The following EYA1 variants were observed in gnomAD, a reference collection of about 807,000 sequenced individuals.
The protein encoded by EYA1 is EYA transcriptional coactivator and phosphatase 1.
Under a neutral mutation model 82.0 loss-of-function variants are expected in EYA1, and 16 were observed. The ratio of observed to expected loss-of-function variants is 0.20; its 90% confidence interval spans 0.13 to 0.30. The LOEUF (loss-of-function observed/expected upper bound fraction) is 0.30, where lower values mean the gene tolerates loss of function less well. Ranked by LOEUF, EYA1 falls within the 10% of genes least tolerant of loss-of-function variation. The pLI, the probability that EYA1 is intolerant of heterozygous loss-of-function variation, is 1.00. For synonymous variants in EYA1, 261 were observed against 264.4 expected (o/e 0.99, Z 0.12); for missense variants, 633 against 730.7 (o/e 0.87, Z 1.54).
At chr8:71,399,795 C>A (rs931979019) in intron 2 of EYA1, among the ~76,000 whole-genome samples, 1 of 152,120 alleles carries the variant, frequency 6.6e-6, no homozygotes, top group African/African-American at 2.4e-5. Context: ...CAGAAAAAAA[C>A]TACTTTAAAA....
At chr8:71,292,249 G>T (rs1448868013) in intron 9 of EYA1, among the ~76,000 whole-genome samples, 1 of 152,032 alleles carries the variant, frequency 6.6e-6, no homozygotes, top group Non-Finnish European at 1.5e-5. Context: ...GTGGCTAGGG[G>T]ATGATAAAAT....
At chr8:71,413,154 C>A (rs114800165) in intron 2 of EYA1, among the ~76,000 whole-genome samples, 5,330 of 152,222 alleles carry the variant, frequency 0.035, 333 homozygotes, top group African/African-American at 0.12. Flanking sequence ...AGAATAAAAT[C>A]AAAGATGACC....
rs762781196 is a variant in EYA1, at chr8:71,216,846, A to G, written c.1206T>C (p.Tyr402=). Residue 402 remains tyrosine (Y), a synonymous_variant, in exon 14 of 18, where the codon TAT becomes TAC. Transcript: ENST00000340726. Reference sequence around the variant, plus strand: ...CAGGAAAGCCATCTGTTCCAAAGTTATATGTGCTATTTATATGCAAGAAAA... The same window carrying G: ...CAGGAAAGCCATCTGTTCCAAAGTTGTATGTGCTATTTATATGCAAGAAAA... The part of the protein sequence containing the change: ...SDDNGQDLST[Y]NFGTDGFPAA... 4.3e-6 allele frequency: 7 copies of G among 1,614,048 alleles called. No homozygotes were observed. The highest frequency in any genetic ancestry group is 4.0e-5 in the African/African-American group (3 of 74,926).
intron 2 of EYA1, among the ~76,000 whole-genome samples, chr8:71,462,591 G>C (rs563172088): frequency 5.3e-5 from 8 of 152,338 alleles, no homozygotes; most frequent in African/African-American, 1.9e-4. Flanking sequence ...CCCCAGGGTG[G>C]CAGGCTCCGG....
intron 9 of EYA1, among the ~76,000 whole-genome samples, chr8:71,282,094 C>T (rs1296362322): frequency 6.6e-6 from 1 of 152,190 alleles, no homozygotes; most frequent in African/African-American, 2.4e-5. Flanking sequence ...ACTCTCCTTG[C>T]CAGGCTCTCC....
intron 17 of EYA1, among the ~76,000 whole-genome samples, chr8:71,201,478 C>T (rs1199504621): frequency 1.3e-5 from 2 of 152,066 alleles, no homozygotes; most frequent in African/African-American, 2.4e-5. Context: ...CTAAGAGACA[C>T]CAGAAGATTC....
chr8:71,294,680 T>C lies in EYA1; in HGVS notation c.826+4367A>G, dbSNP rs142441799. ...AGTTTGTCCCAATTTGATCTATAAA[T>C]TCAACGTGATTCCAGCCAAAATCCC... On this transcript the variant is annotated intron_variant, in intron 9 of 17. Coordinates refer to ENST00000340726, the MANE Select transcript of EYA1 (RefSeq NM_000503.6). Among the ~76,000 whole-genome samples the C allele has an allele frequency of 1.4e-4, 22 of 152,328 alleles. No individual in the cohort carries two copies. In the East Asian group the frequency reaches 3.5e-3, roughly 24 times the overall value.
chr8:71,534,595 T>C (rs1814546606), intron 2 of EYA1, among the ~76,000 whole-genome samples: 1 of 152,202 alleles, frequency 6.6e-6, no homozygotes, highest in Non-Finnish European at 1.5e-5. Context: ...CTAAAGATCA[T>C]GCTTCAGGGA....
Position 71,198,657 on chromosome 8 carries a change from G to A in EYA1, c.*683C>T, listed in dbSNP as rs568256540. 29 of 153,258 alleles carry A rather than the reference G, an allele frequency of 1.9e-4. No individual in the cohort carries two copies. The highest frequency in any genetic ancestry group is 3.6e-4 in the Non-Finnish European group (25 of 68,510). The allele number at this position is 153,258 out of a possible 1,614,324, so 9.5% of individuals were successfully genotyped here. A position where few individuals can be genotyped will look rare whatever the true frequency, so the allele number is the denominator to read the frequency against. Reference sequence around the variant, plus strand: ...TGTCTCAGTGATGTACATATTATACGTTTAAATTAGACATACTTAAAACTA... The same window carrying A: ...TGTCTCAGTGATGTACATATTATACATTTAAATTAGACATACTTAAAACTA... On this transcript the variant is annotated 3_prime_UTR_variant, in exon 18 of 18. Coordinates refer to ENST00000340726, the MANE Select transcript of EYA1 (RefSeq NM_000503.6).
At chr8:71,484,759 C>T (rs1000082374) in intron 2 of EYA1, among the ~76,000 whole-genome samples, 2 of 152,236 alleles carry the variant, frequency 1.3e-5, no homozygotes, top group Non-Finnish European at 1.5e-5. Context: ...TCCCAGGGAG[C>T]TATTCCACTT....
intron 17 of EYA1, chr8:71,204,119 A>G (rs1302493800): frequency 6.6e-6 from 1 of 152,218 alleles, no homozygotes; most frequent in African/African-American, 2.4e-5. Context: ...GATTAGGCAT[A>G]TATTGAGAGA....
chr8:71,217,086 T>G (rs1809309440), intron 12 of EYA1, 63 bp from the exon 13 acceptor site: 4 of 1,297,970 alleles, frequency 3.1e-6, no homozygotes, highest in Non-Finnish European at 4.5e-6. Context: ...TTTGTTTTGT[T>G]TTGGAAAAAC....
At chr8:71,547,619 C>G (rs1245885451) in intron 1 of EYA1, 1 of 151,890 alleles carries the variant, frequency 6.6e-6, no homozygotes, top group Non-Finnish European at 1.5e-5. Context: ...GGGCGCCGAT[C>G]GCCGCCCTCC....
chr8:71,436,338 C>T (rs988037879), intron 2 of EYA1, among the ~76,000 whole-genome samples: 3 of 151,968 alleles, frequency 2.0e-5, no homozygotes, highest in Non-Finnish European at 4.4e-5. Context: ...GGAACATACC[C>T]GAAGAGAGAA....
intron 9 of EYA1, among the ~76,000 whole-genome samples, chr8:71,278,600 C>T (rs1479605134): frequency 1.3e-5 from 2 of 152,120 alleles, no homozygotes; most frequent in Non-Finnish European, 2.9e-5. Flanking sequence ...TTTAAATATT[C>T]CTTTATTGAT....
At chr8:71,537,643 G>A (rs889142914) in intron 1 of EYA1, among the ~76,000 whole-genome samples, 2 of 152,152 alleles carry the variant, frequency 1.3e-5, no homozygotes, top group Non-Finnish European at 2.9e-5. Context: ...CCTCACAGAA[G>A]GGAGCAGGTC....
chr8:71,271,623 TG>T (rs1371416688), intron 10 of EYA1, 134 bp downstream of exon 10: 1 of 936,420 alleles, frequency 1.1e-6, no homozygotes. Context: ...CTTTATCTAT[TG>T]TTAATATAAA....
rs572336033 is a variant in EYA1 at position 71,228,105 on chromosome 8, C to T, written c.1141-11082G>A. 3.3e-5 allele frequency among the ~76,000 whole-genome samples: 5 copies of T among 152,262 alleles called. No individual in the cohort carries two copies. In the East Asian group the frequency reaches 9.6e-4, roughly 29 times the overall value. ...AAAAATATGCAGAACCGGACATAGG[C>T]ACTTTTTAAAAAGCAGTTCCCTGTG... On this transcript the variant is annotated intron_variant, in intron 12 of 17. Coordinates refer to ENST00000340726, the MANE Select transcript of EYA1 (RefSeq NM_000503.6).
rs566519610 is a variant in EYA1, at chr8:71,394,785, G to T, written c.34-38274C>A. 2.6e-5 allele frequency among the ~76,000 whole-genome samples: 4 copies of T among 152,084 alleles called. No homozygotes were observed. In the South Asian group the frequency reaches 8.3e-4, roughly 32 times the overall value. On this transcript the variant is annotated intron_variant, in intron 2 of 18. Coordinates refer to the EYA1 transcript ENST00000643681. ...GTCTTGGCAATGAGGGCTCTTTTTT[G>T]GATCCATATGAACTTTAAAGTAGTT...
Sources: allele counts gnomAD v4.1 joint callset (sites outside exome capture counted in the v4.1 genomes callset), GRCh38; gene constraint gnomAD v4.1.1; transcripts MANE v1.5; gene names NCBI Gene and HGNC (gene_info 2026-07-23, HGNC 2026-07-21).